Variants in PARP4 observed in about 807,000 individuals in gnomAD.
PARP4 encodes protein mono-ADP-ribosyltransferase PARP4.
Under a neutral mutation model 187.7 loss-of-function variants are expected in PARP4, and 120 were observed. That is an observed-to-expected ratio of 0.64 (90% CI 0.55 to 0.74). The LOEUF is 0.74. Among genes scored for constraint, PARP4 ranks in the 30% least tolerant of loss-of-function variants. The probability of loss-of-function intolerance (pLI) is 0.00; values close to 1 mark genes in which losing one functional copy is unlikely to be tolerated. For synonymous variants in PARP4, 654 were observed against 740.9 expected, an observed-to-expected ratio of 0.88 and a Z score of 1.90; for missense variants, 1,836 against 2,070.5, an observed-to-expected ratio of 0.89 and a Z score of 2.20.
intron 25 of PARP4, among the ~76,000 whole-genome samples, chr13:24,448,305 G>C (rs1203489883): frequency 6.6e-6 from 1 of 152,180 alleles, no homozygotes; most frequent in African/African-American, 2.4e-5. Flanking sequence ...CTACTCTGGA[G>C]GCTGAGGTGG....
intron 33 of PARP4, among the ~76,000 whole-genome samples, chr13:24,425,567 GTGTATATCTATATCTATATCTATATC>G (rs1869999290): frequency 3.5e-5 from 5 of 142,308 alleles, no homozygotes; most frequent in African/African-American, 8.2e-5. Flanking sequence ...GTGTGTGTGT[GTGTATATCTATATCTATATCTATATC>G]TATATCTATA....
At chr13:24,495,597 C>A (rs1246337936) in intron 6 of PARP4, among the ~76,000 whole-genome samples, 3 of 152,148 alleles carry the variant, frequency 2.0e-5, no homozygotes, top group African/African-American at 7.2e-5. Context: ...AGGCAGTGAT[C>A]CTAACATTAA....
At position 24,435,320 on chromosome 13, in the gene PARP4, G is replaced by C. The variant is rs745420022; in HGVS notation, c.3821C>G (p.Ser1274Ter). ...DGLGVLPAFT[S>*]NLERGGVEKL... Reference sequence around the variant, plus strand: ...TTCCACACCTCCACGTTCCAAATTTGATGTGAAAGCTGGTAGTACACCTAA... The same window carrying C: ...TTCCACACCTCCACGTTCCAAATTTCATGTGAAAGCTGGTAGTACACCTAA... The change falls in exon 31 of 34, where the codon TCA becomes TGA. Residue 1274 changes from serine to a stop codon, truncating the protein, a stop_gained. Transcript: ENST00000381989. LOFTEE classifies it high-confidence loss of function. 5 of 1,612,638 alleles carry C rather than the reference G, an allele frequency of 3.1e-6. No individual in the cohort carries two copies. The highest frequency in any genetic ancestry group is 4.2e-6 in the Non-Finnish European group (5 of 1,179,880).
At chr13:24,479,124 G>A (rs1410538632) in intron 12 of PARP4, among the ~76,000 whole-genome samples, 1 of 152,092 alleles carries the variant, frequency 6.6e-6, no homozygotes. Flanking sequence ...CTTTAATAAG[G>A]CAACTCTTGC....
At chr13:24,478,760 T>C (rs547999942) in intron 12 of PARP4, among the ~76,000 whole-genome samples, 4 of 152,196 alleles carry the variant, frequency 2.6e-5, no homozygotes, top group Non-Finnish European at 5.9e-5. Flanking sequence ...GTGACAAATA[T>C]GTATACTGCC....
Position 24,503,747 on chromosome 13 carries a change from G to C in PARP4, c.30C>G (p.Ile10Met), listed in dbSNP as rs372717481. MVMGIFANC[I>M]FCLKVKYLPQ... ...GTAAGTACTTCACTTTCAAACAGAA[G>C]ATACAATTTGCAAAGATTCCCATCA... The change falls in exon 2 of 34, where the codon ATC (isoleucine) becomes ATG (methionine). Residue 10 changes from isoleucine (I) to methionine (M), a missense_variant. Coordinates refer to ENST00000381989, the MANE Select transcript of PARP4 (RefSeq NM_006437.4). 1 of 1,613,954 alleles carries C rather than the reference G, an allele frequency of 6.2e-7. No individual in the cohort carries two copies. Among genetic ancestry groups the C allele is most frequent in the African/African-American group, 1.3e-5 (1 of 74,904 alleles).
chr13:24,444,837 A>G (rs8001660), intron 27 of PARP4, among the ~76,000 whole-genome samples: 59,956 of 151,794 alleles, frequency 0.39, 12,041 homozygotes, highest in African/African-American at 0.46. Flanking sequence ...AGCAGATGCA[A>G]ACAGGCTTTC....
intron 15 of PARP4, among the ~76,000 whole-genome samples, chr13:24,470,803 T>C (rs958388665): frequency 6.6e-6 from 1 of 152,192 alleles, no homozygotes; most frequent in African/African-American, 2.4e-5. Flanking sequence ...CTGGATTTGC[T>C]GCAAGCTTGG....
intron 17 of PARP4, among the ~76,000 whole-genome samples, chr13:24,463,655 T>G (rs1028424279): frequency 2.6e-5 from 4 of 152,086 alleles, no homozygotes; most frequent in African/African-American, 9.7e-5. Flanking sequence ...TTCAAAATAA[T>G]AAGAACCATT....
At chr13:24,443,583 C>A (rs1871059399) in intron 28 of PARP4, 67 bp downstream of exon 28, 6 of 1,165,168 alleles carry the variant, frequency 5.1e-6, no homozygotes, top group Non-Finnish European at 7.7e-6. Flanking sequence ...TCCATTTCCA[C>A]AGATAAAATC....
chr13:24,442,591 C>T lies in PARP4; in HGVS notation c.3542G>A (p.Arg1181Lys), dbSNP rs142527575. ...CCTCGAATTACCAATAATACATACCCTTTTCTCAACTGCCACAAAGCTTGT... is the reference window on the plus strand; with the variant it reads ...CCTCGAATTACCAATAATACATACCTTTTTCTCAACTGCCACAAAGCTTGT... ...QFTSFVAVEK[R>K]DENESPFPDI... Residue 1181 changes from arginine (R) to lysine (K), a missense_variant and splice_region_variant, in exon 29 of 34, where the codon AGG (arginine) becomes AAG (lysine). Physicochemically the swap from Arg to Lys is conservative, Grantham distance 26. Transcript: ENST00000381989. The T allele has an allele frequency of 1.1e-4, 160 of 1,489,560 alleles. No individual in the cohort carries two copies. The African/African-American group carries it at 1.9e-3, about 18-fold the overall frequency. The allele number at this position is 1,489,560 out of a possible 1,614,324, so 92.3% of individuals were successfully genotyped here.
rs111796465 is a variant in PARP4 at position 24,444,009 on chromosome 13, G to C, written c.3367-279C>G. The stretch of plus-strand genomic sequence containing the variant: ...ATCTGCTTTCTGTCCCTAGAGTTTT[G>C]CTTTTTCTATAAAAGGCCATTTTGC... On this transcript the variant is annotated intron_variant, in intron 27 of 33. Transcript: ENST00000381989. Among the ~76,000 whole-genome samples, 253 of 152,244 alleles carry C rather than the reference G, an allele frequency of 1.7e-3. 2 individuals are homozygous for C. Among genetic ancestry groups the C allele is most frequent in the African/African-American group, 5.6e-3 (234 of 41,530 alleles).
intron 27 of PARP4, 106 bp downstream of exon 27, chr13:24,446,575 T>C (rs1183946873): frequency 1.6e-5 from 12 of 738,456 alleles, no homozygotes; most frequent in African/African-American, 1.8e-5. Context: ...CATTCAAAGC[T>C]GCCCTGGGCC....
chr13:24,464,985 G>C (rs1872387538), intron 17 of PARP4, among the ~76,000 whole-genome samples: 1 of 152,036 alleles, frequency 6.6e-6, no homozygotes. Context: ...CAAAGGACAT[G>C]AACAGACACT....
intron 16 of PARP4, among the ~76,000 whole-genome samples, chr13:24,469,570 G>C (rs1397571812): frequency 6.6e-6 from 1 of 151,984 alleles, no homozygotes; most frequent in African/African-American, 2.4e-5. Context: ...TCAGCCTCCC[G>C]AAGTGCTGGG....
chr13:24,506,189 C>A (rs945183885), intron 1 of PARP4, among the ~76,000 whole-genome samples: 4 of 152,186 alleles, frequency 2.6e-5, no homozygotes, highest in Non-Finnish European at 5.9e-5. Context: ...AAGCCGCAGA[C>A]CCTCGCAGTG....
chr13:24,500,641 A>AT (rs1412277411), intron 3 of PARP4, among the ~76,000 whole-genome samples: 1 of 152,190 alleles, frequency 6.6e-6, no homozygotes, highest in African/African-American at 2.4e-5. Context: ...TAGCCATACA[A>AT]TTTTCAATTG....
intron 30 of PARP4, among the ~76,000 whole-genome samples, chr13:24,439,260 G>A (rs1870792666): frequency 6.6e-6 from 1 of 151,602 alleles, no homozygotes; most frequent in Admixed American, 6.6e-5. Flanking sequence ...CCAGGAGGTC[G>A]AGGCTGCGGT....
Position 24,434,728 on chromosome 13 carries a change from C to A in PARP4, c.4413G>T (p.Leu1471Phe). ...PFHFQPSAAS[L>F]TANLRLPMAS... ...CCATTGGCAGCCTAAGGTTGGCAGT[C>A]AAAGAGGCTGCGGAAGGTTGAAAAT... Residue 1471 changes from leucine (L) to phenylalanine (F), a missense_variant, in exon 31 of 34, where the codon TTG becomes TTT. Transcript: ENST00000381989. The A allele has an allele frequency of 6.2e-7, 1 of 1,613,928 alleles. No homozygotes were observed.
Sources: gnomAD v4.1 joint callset for allele counts (sites outside exome capture counted in the v4.1 genomes callset) on GRCh38, gnomAD v4.1.1 for gene constraint, MANE v1.5 for transcripts, NCBI Gene and HGNC (gene_info 2026-07-23, HGNC 2026-07-21) for gene names.